KANK1: variants seen among roughly 807,000 people sequenced by gnomAD.
KANK1 encodes KN motif and ankyrin repeat domains 1, also known as KN motif and ankyrin repeat domain-containing protein 1.
Under a neutral mutation model 106.2 loss-of-function variants are expected in KANK1, and 109 were observed. That is an observed-to-expected ratio of 1.03 (90% CI 0.88 to 1.20). The LOEUF (loss-of-function observed/expected upper bound fraction) is 1.20. Among genes scored for constraint, KANK1 ranks in the 50% most tolerant of loss-of-function variants. The pLI is 0.00. For missense variants in KANK1, 2,399 were observed against 1,710.7 expected (o/e 1.40, Z -7.10); for synonymous variants, 873 against 652.2 (o/e 1.34, Z -5.16).
At chr9:502,413 C>G (rs997852044), upstream of KANK1, among the ~76,000 whole-genome samples, 6 of 151,950 alleles carry the variant, frequency 3.9e-5, no homozygotes, top group Admixed American at 3.3e-4. Context: ...ATCTGCCATA[C>G]TTTTGATTGA....
At chr9:578,329 C>CTGTGTG (rs33959144) in intron 1 of KANK1, among the ~76,000 whole-genome samples, 7 of 149,694 alleles carry the variant, frequency 4.7e-5, no homozygotes, top group Non-Finnish European at 8.9e-5. Flanking sequence ...TATTTTTCAA[C>CTGTGTG]TGTGTGTGTG....
intron 1 of KANK1, among the ~76,000 whole-genome samples, chr9:563,521 C>T (rs187793096): frequency 1.3e-5 from 2 of 152,230 alleles, no homozygotes; most frequent in South Asian, 2.1e-4. Flanking sequence ...TATTAATAAG[C>T]CTCATAAGTA....
intron 1 of KANK1, among the ~76,000 whole-genome samples, chr9:539,981 A>C (rs1386364347): frequency 1.3e-5 from 2 of 152,238 alleles, no homozygotes; most frequent in African/African-American, 2.4e-5. Flanking sequence ...TATCATCTGC[A>C]AACAGAGACA....
chr9:618,071 CA>C (rs1323950108), intron 1 of KANK1, among the ~76,000 whole-genome samples: 1 of 152,164 alleles, frequency 6.6e-6, no homozygotes, highest in Non-Finnish European at 1.5e-5. Context: ...AAGGTTATTT[CA>C]GTAGTACCCA....
At chr9:650,471 C>T (rs75886478) in intron 1 of KANK1, among the ~76,000 whole-genome samples, 2,340 of 152,208 alleles carry the variant, frequency 0.015, 43 homozygotes, top group Middle Eastern at 0.054. Context: ...ACTCCTGGGT[C>T]TAGGATGGGG....
chr9:557,441 G>C (rs2061665853), intron 1 of KANK1, among the ~76,000 whole-genome samples: 1 of 152,070 alleles, frequency 6.6e-6, no homozygotes, highest in African/African-American at 2.4e-5. Flanking sequence ...TAAAAATTTA[G>C]AACAAAAATG....
chr9:741,398 C>A (rs1341429458), intron 9 of KANK1, among the ~76,000 whole-genome samples: 1 of 150,528 alleles, frequency 6.6e-6, no homozygotes, highest in African/African-American at 2.4e-5. Flanking sequence ...TGGCTCACTG[C>A]AACCACCCCC....
intron 3 of KANK1, among the ~76,000 whole-genome samples, chr9:490,332 C>A (rs570368735): frequency 1.3e-3 from 200 of 152,148 alleles, no homozygotes; most frequent in Non-Finnish European, 1.2e-3. Flanking sequence ...AAAGTGATAC[C>A]TCATCCCTAC....
At chr9:602,976 A>G (rs1445027442) in intron 1 of KANK1, among the ~76,000 whole-genome samples, 2 of 151,864 alleles carry the variant, frequency 1.3e-5, no homozygotes, top group South Asian at 2.1e-4. Flanking sequence ...CATAGTTACA[A>G]ATCATATTTA....
intron 3 of KANK1, among the ~76,000 whole-genome samples, chr9:482,451 G>T (rs4742038): frequency 0.26 from 38,913 of 151,926 alleles, 6,434 homozygotes; most frequent in African/African-American, 0.45. Context: ...CTGAGCCCAG[G>T]GCATGCATGC....
intron 1 of KANK1, among the ~76,000 whole-genome samples, chr9:639,656 C>T (rs78735407): frequency 0.037 from 5,642 of 152,266 alleles, 154 homozygotes; most frequent in Middle Eastern, 0.085. Context: ...ACACCCTCTG[C>T]CTTCTGTGTG....
At chr9:634,076 A>G (rs565257487) in intron 1 of KANK1, among the ~76,000 whole-genome samples, 3 of 152,362 alleles carry the variant, frequency 2.0e-5, no homozygotes, top group East Asian at 1.9e-4. Context: ...TAATTGCCCA[A>G]TTGCACACAC....
intron 2 of KANK1, among the ~76,000 whole-genome samples, chr9:687,707 T>A (rs1818885665): frequency 6.6e-6 from 1 of 152,186 alleles, no homozygotes; most frequent in Admixed American, 6.5e-5. Context: ...GCTGCCTCTC[T>A]TACCTCTCCC....
chr9:518,968 G>T (rs188463963), intron 1 of KANK1, among the ~76,000 whole-genome samples: 6 of 151,194 alleles, frequency 4.0e-5, no homozygotes, highest in Non-Finnish European at 7.4e-5. Flanking sequence ...TCGGCTCACC[G>T]CAAACTCCCC....
intron 3 of KANK1, among the ~76,000 whole-genome samples, chr9:498,951 G>A (rs2058502355): frequency 6.6e-6 from 1 of 152,172 alleles, no homozygotes; most frequent in Non-Finnish European, 1.5e-5. Context: ...GCCGAGGAGG[G>A]TGGATCACGA....
intron 1 of KANK1, among the ~76,000 whole-genome samples, chr9:563,618 T>G (rs1393775562): frequency 1.3e-5 from 2 of 152,236 alleles, no homozygotes; most frequent in African/African-American, 4.8e-5. Context: ...AAATAGGCAG[T>G]AGACCCATTC....
At chr9:717,473 CTT>C (rs1207323427) in intron 3 of KANK1, among the ~76,000 whole-genome samples, 4 of 152,072 alleles carry the variant, frequency 2.6e-5, no homozygotes, top group South Asian at 4.1e-4. Flanking sequence ...TAGTCCGCCT[CTT>C]TGTTTTTTCA....
intron 1 of KANK1, among the ~76,000 whole-genome samples, chr9:511,605 G>A (rs570544229): frequency 7.1e-4 from 108 of 152,220 alleles, no homozygotes; most frequent in African/African-American, 2.5e-3. Flanking sequence ...CACTTAGAAG[G>A]GTGGTTGGTA....
intron 1 of KANK1, among the ~76,000 whole-genome samples, chr9:646,186 GA>G (rs1839632567): frequency 6.6e-6 from 1 of 150,684 alleles, no homozygotes; most frequent in Admixed American, 6.6e-5. Context: ...GAAATAGGTG[GA>G]AAAATATTTA....
Sources: gnomAD v4.1 joint callset for allele counts (sites outside exome capture counted in the v4.1 genomes callset) on GRCh38, gnomAD v4.1.1 for gene constraint, MANE v1.5 for transcripts, NCBI Gene and HGNC (gene_info 2026-07-23, HGNC 2026-07-21) for gene names.